The following CFAP47 variants were observed in gnomAD, a reference collection of about 807,000 sequenced individuals.
The protein encoded by CFAP47 is cilia and flagella associated protein 47.
A neutral mutation model predicts 148.1 loss-of-function variants in CFAP47; 29 were observed. The observed-to-expected ratio is 0.20, with a 90% CI of 0.15 to 0.27. CFAP47 has a LOEUF of 0.27. CFAP47 is among the 10% of genes least tolerant of loss of function. CFAP47 has a pLI of 1.00. For synonymous variants in CFAP47, 664 were observed against 577.3 expected (o/e 1.15, Z -2.15); for missense variants, 1,872 against 1,697.5 (o/e 1.10, Z -1.81).
chrX:36,042,545 A>G (rs1937418279), intron 25 of CFAP47, among the ~76,000 whole-genome samples: 2 of 110,671 alleles, frequency 1.8e-5, no homozygotes, highest in African/African-American at 6.6e-5. Context: ...ATAACATCAA[A>G]AATTAAAAGA....
intron 33 of CFAP47, among the ~76,000 whole-genome samples, chrX:36,118,684 C>T (rs1254487460): frequency 9.0e-6 from 1 of 110,877 alleles, no homozygotes; most frequent in Non-Finnish European, 1.9e-5. Flanking sequence ...CCGTGTTAGC[C>T]AGGATGGTCT....
rs369632374 is a variant in CFAP47, at chrX:35,934,046, T to C, written c.402-7237T>C. ...TGTCTCTTCACTTTGTTGATTGTTTTCTTTGCTGTGCACAAGCTTTTTTAC... is the reference window on the plus strand; with the variant it reads ...TGTCTCTTCACTTTGTTGATTGTTTCCTTTGCTGTGCACAAGCTTTTTTAC... On this transcript the variant is annotated intron_variant, in intron 2 of 63. Coordinates refer to ENST00000378653, the MANE Select transcript of CFAP47 (RefSeq NM_001304548.2). 4.7e-4 allele frequency among the ~76,000 whole-genome samples: 53 copies of C among 111,764 alleles called. 1 individual carries two copies. The South Asian group carries it at 0.02, about 41-fold the overall frequency.
chrX:36,167,549 G>A (rs908861513), intron 39 of CFAP47, among the ~76,000 whole-genome samples: 7 of 111,295 alleles, frequency 6.3e-5, no homozygotes, highest in Admixed American at 5.7e-4. Flanking sequence ...CCGTGAGTGG[G>A]TGCTGGGTAG....
At chrX:36,117,654 A>G (rs1039990602) in intron 33 of CFAP47, among the ~76,000 whole-genome samples, 2 of 112,019 alleles carry the variant, frequency 1.8e-5, no homozygotes, top group African/African-American at 3.2e-5. Context: ...ATCCCTTAAC[A>G]GATGGGTATT....
intron 3 of CFAP47, among the ~76,000 whole-genome samples, chrX:35,947,507 C>G (rs1002617707): frequency 9.2e-6 from 1 of 109,145 alleles, no homozygotes; most frequent in African/African-American, 3.3e-5. Flanking sequence ...CATGCCAGTT[C>G]CAACCTAGAT....
chrX:36,331,336 T>C (rs1556014070), intron 57 of CFAP47, among the ~76,000 whole-genome samples: 1 of 111,312 alleles, frequency 9.0e-6, no homozygotes, highest in Non-Finnish European at 1.9e-5. Flanking sequence ...AACTCTAAAT[T>C]TTGGCTTGAT....
chrX:36,040,473 C>A (rs779312538), intron 25 of CFAP47, among the ~76,000 whole-genome samples: 1 of 111,321 alleles, frequency 9.0e-6, no homozygotes, highest in Non-Finnish European at 1.9e-5. Context: ...ATAAATTGCA[C>A]GTTACAATTA....
chrX:36,312,647 A>G (rs896135304), intron 56 of CFAP47, among the ~76,000 whole-genome samples: 1 of 111,961 alleles, frequency 8.9e-6, no homozygotes, highest in Non-Finnish European at 1.9e-5. Context: ...AGATTTTAAC[A>G]TTAAAAATAA....
chrX:36,041,741 G>T (rs1937406709), intron 25 of CFAP47, among the ~76,000 whole-genome samples: 1 of 110,037 alleles, frequency 9.1e-6, no homozygotes, highest in South Asian at 3.9e-4. Context: ...GGCTAACATG[G>T]TGAAACCCCA....
At position 35,966,668 on chromosome X, in the gene CFAP47, C is replaced by G; in HGVS notation, c.1514C>G (p.Ser505Trp). The G allele has an allele frequency of 8.5e-7, 1 of 1,178,222 alleles. No individual in the cohort carries two copies. The highest frequency in any genetic ancestry group is 1.1e-6 in the Non-Finnish European group (1 of 876,493). ...GCAGAAGAAGATTTGCAATCTTTGT[C>G]GGTAAAATCTTTCCATCACGTATAT... ...LVAEEDLQSL[S>W]VKSFHHVYLA... Residue 505 changes from serine (S) to tryptophan (W), a missense_variant, in exon 9 of 64, where the codon TCG becomes TGG. Ser to Trp is a radical substitution (Grantham distance 177). Coordinates refer to ENST00000378653, the MANE Select transcript of CFAP47 (RefSeq NM_001304548.2).
intron 55 of CFAP47, among the ~76,000 whole-genome samples, chrX:36,307,394 T>C (rs1837747843): frequency 9.0e-6 from 1 of 111,086 alleles, no homozygotes. Context: ...GGAAGTACTG[T>C]TATCAATCCT....
At chrX:36,338,847 CT>C (rs1236833939) in intron 57 of CFAP47, among the ~76,000 whole-genome samples, 1 of 111,993 alleles carries the variant, frequency 8.9e-6, no homozygotes, top group Non-Finnish European at 1.9e-5. Context: ...TCTTTAGGTG[CT>C]CTGCTCAAGT....
chrX:36,043,683 G>T (rs1601945277), intron 25 of CFAP47, among the ~76,000 whole-genome samples: 1 of 112,660 alleles, frequency 8.9e-6, no homozygotes, highest in Middle Eastern at 4.6e-3. Flanking sequence ...TACAGCTGTT[G>T]TGGCTGCCTT....
chrX:36,325,032 A>T (rs957990614), intron 57 of CFAP47, among the ~76,000 whole-genome samples: 1 of 111,339 alleles, frequency 9.0e-6, no homozygotes, highest in Non-Finnish European at 1.9e-5. Flanking sequence ...TCCTTTTGAC[A>T]TTCCTAATCC....
intron 19 of CFAP47, among the ~76,000 whole-genome samples, chrX:35,999,639 A>G (rs180771358): frequency 8.9e-6 from 1 of 112,374 alleles, no homozygotes; most frequent in African/African-American, 3.2e-5. Context: ...TGGTTTATCC[A>G]TCTGGGGTTT....
At position 36,214,886 on chromosome X, in the gene CFAP47, G is replaced by A. The variant is rs191147746; in HGVS notation, c.6817+9776G>A. Among the ~76,000 whole-genome samples the A allele has an allele frequency of 1.5e-3, 161 of 111,015 alleles. 1 individual carries two copies. Among genetic ancestry groups the A allele is most frequent in the East Asian group, 8.5e-4 (3 of 3,542 alleles). On this transcript the variant is annotated intron_variant, in intron 45 of 63. Coordinates refer to ENST00000378653, the MANE Select transcript of CFAP47 (RefSeq NM_001304548.2). ...ACTATTTTACAGTTAATTTTTAGCA[G>A]GACACCCTAAAATAACAAGAAAAAG...
chrX:36,004,571 G>C lies in CFAP47; in HGVS notation c.3417+2864G>C, dbSNP rs944195934. Among the ~76,000 whole-genome samples, 4 of 109,763 alleles carry C rather than the reference G, an allele frequency of 3.6e-5. No individual in the cohort carries two copies. In the South Asian group the frequency reaches 1.6e-3, roughly 43 times the overall value. The stretch of plus-strand genomic sequence containing the variant: ...TATCCATACTCTATAATATTATTTG[G>C]CAGTATAAAGGAACAAATTGCTAAT... On this transcript the variant is annotated intron_variant, in intron 21 of 63. Transcript: ENST00000378653.
intron 57 of CFAP47, among the ~76,000 whole-genome samples, chrX:36,322,375 T>G (rs1007114308): frequency 1.8e-5 from 2 of 111,245 alleles, no homozygotes; most frequent in African/African-American, 3.2e-5. Flanking sequence ...TAATGGCAAT[T>G]ACATTTGGGG....
rs892454432 is a variant in CFAP47, at chrX:36,254,139, C to G, written c.7444+2695C>G. ...AAAGTTTAATTATAGCACTGGGGAG[C>G]CTGATGGAAGGAAATATTAATCCCA... On this transcript the variant is annotated intron_variant, in intron 49 of 63. Transcript: ENST00000378653. 9.0e-5 allele frequency among the ~76,000 whole-genome samples: 10 copies of G among 111,147 alleles called. No individual in the cohort carries two copies. In the East Asian group the frequency reaches 1.7e-3, roughly 19 times the overall value.
Sources: allele counts gnomAD v4.1 joint callset (sites outside exome capture counted in the v4.1 genomes callset), GRCh38; gene constraint gnomAD v4.1.1; transcripts MANE v1.5; gene names NCBI Gene and HGNC (gene_info 2026-07-23, HGNC 2026-07-21).